Variants in ABCC4 observed in about 807,000 individuals in gnomAD.
ABCC4 encodes the protein ATP-binding cassette sub-family C member 4.
In ABCC4, 102 loss-of-function variants were observed where a neutral mutation model predicts 168.5. The ratio of observed to expected loss-of-function variants is 0.61; its 90% CI spans 0.52 to 0.71. The LOEUF is 0.71. ABCC4 is among the 30% of genes least tolerant of loss of function. The pLI, the probability that ABCC4 is intolerant of heterozygous loss-of-function variation, is 0.00. For synonymous variants in ABCC4, 617 were observed against 590.7 expected, an observed-to-expected ratio of 1.04 and a Z score of -0.65; for missense variants, 1,402 against 1,605.8, an observed-to-expected ratio of 0.87 and a Z score of 2.17.
At chr13:95,062,147 C>T (rs1009944952) in intron 26 of ABCC4, among the ~76,000 whole-genome samples, 3 of 152,032 alleles carry the variant, frequency 2.0e-5, no homozygotes, top group East Asian at 3.9e-4. Context: ...GATGGAATTC[C>T]GTCTCTCATG....
intron 19 of ABCC4, among the ~76,000 whole-genome samples, chr13:95,118,370 C>T (rs976253470): frequency 1.3e-5 from 2 of 151,864 alleles, no homozygotes; most frequent in Non-Finnish European, 1.5e-5. Flanking sequence ...CAGCCTCCCG[C>T]GTAGCTGAGA....
At chr13:95,213,369 C>G (rs1352371485) in intron 4 of ABCC4, among the ~76,000 whole-genome samples, 1 of 152,234 alleles carries the variant, frequency 6.6e-6, no homozygotes, top group Non-Finnish European at 1.5e-5. Context: ...CCAAGCAAAA[C>G]AGTTTCACTG....
chr13:95,205,044 T>C (rs773354211), intron 8 of ABCC4, among the ~76,000 whole-genome samples: 5 of 152,210 alleles, frequency 3.3e-5, no homozygotes, highest in South Asian at 4.1e-4. Context: ...AGTTCTTTCT[T>C]TCAAGATGCA....
intron 19 of ABCC4, among the ~76,000 whole-genome samples, chr13:95,142,847 T>A (rs1280891836): frequency 6.6e-6 from 1 of 152,136 alleles, no homozygotes; most frequent in Non-Finnish European, 1.5e-5. Context: ...ACTGTTTGAC[T>A]TCTACAGCAA....
intron 1 of ABCC4, among the ~76,000 whole-genome samples, chr13:95,261,602 G>A (rs1301667947): frequency 6.6e-6 from 1 of 151,962 alleles, no homozygotes; most frequent in Non-Finnish European, 1.5e-5. Flanking sequence ...AGTATTAATG[G>A]TGACATGGCT....
At chr13:95,223,221 G>A (rs2039353826) in intron 4 of ABCC4, among the ~76,000 whole-genome samples, 1 of 152,150 alleles carries the variant, frequency 6.6e-6, no homozygotes, top group Non-Finnish European at 1.5e-5. Context: ...ATTATCAGAA[G>A]TCAGACATAC....
At chr13:95,104,353 A>G (rs2034922458) in intron 20 of ABCC4, among the ~76,000 whole-genome samples, 1 of 152,182 alleles carries the variant, frequency 6.6e-6, no homozygotes. Flanking sequence ...ACCTCAAGTG[A>G]TCTGCCCTCC....
chr13:95,228,397 AGTCTGTGGTAGAGGAGGCT>A (rs2138737505), intron 4 of ABCC4, among the ~76,000 whole-genome samples: 1 of 152,252 alleles, frequency 6.6e-6, no homozygotes, highest in Non-Finnish European at 1.5e-5. Flanking sequence ...CTTCCTACTC[AGTCTGTGGTAGAGGAGGCT>A]GTCTGCTGCT....
chr13:95,253,869 T>G (rs938486562), intron 1 of ABCC4, among the ~76,000 whole-genome samples: 2 of 152,098 alleles, frequency 1.3e-5, no homozygotes, highest in African/African-American at 4.8e-5. Flanking sequence ...GGCAATACTC[T>G]CATGCAAATT....
chr13:95,186,686 A>G lies in ABCC4; in HGVS notation c.1545+15T>C. 1.2e-6 allele frequency: 2 copies of G among 1,607,988 alleles called. No homozygotes were observed. The highest frequency in any genetic ancestry group is 1.7e-6 in the Non-Finnish European group (2 of 1,176,302). ...TGGACATTCGAGTACATGAAATCCA[A>G]AAGTCATCACTCACCTTTTTCAGAG... On this transcript the variant is annotated intron_variant, in intron 11 of 30. Coordinates refer to ENST00000645237, the MANE Select transcript of ABCC4 (RefSeq NM_005845.5).
intron 3 of ABCC4, among the ~76,000 whole-genome samples, chr13:95,245,916 C>T (rs1360077573): frequency 8.0e-6 from 1 of 125,128 alleles, no homozygotes; most frequent in African/African-American, 2.9e-5. Context: ...TGCACCGTGA[C>T]AACTCCCCAT....
intron 25 of ABCC4, among the ~76,000 whole-genome samples, chr13:95,063,976 A>G (rs1426437945): frequency 1.3e-5 from 2 of 152,128 alleles, no homozygotes; most frequent in Non-Finnish European, 2.9e-5. Context: ...TAAATTTTAA[A>G]ACTCACTGCA....
At chr13:95,184,865 A>G (rs989773685) in intron 11 of ABCC4, among the ~76,000 whole-genome samples, 1 of 152,188 alleles carries the variant, frequency 6.6e-6, no homozygotes, top group Admixed American at 6.5e-5. Flanking sequence ...AGTGGGGGAA[A>G]ACTAGCAAAA....
intron 6 of ABCC4, among the ~76,000 whole-genome samples, chr13:95,208,335 C>CG (rs1566527865): frequency 7.9e-5 from 6 of 75,798 alleles, no homozygotes; most frequent in Non-Finnish European, 1.6e-4. Context: ...AAGAGGAGAG[C>CG]AAAAAAAAAA....
rs774421154 is a variant in ABCC4, at chr13:95,194,869, C to T, written c.1230G>A (p.Val410=). The T allele has an allele frequency of 7.4e-6, 12 of 1,614,130 alleles. No individual in the cohort carries two copies. Among genetic ancestry groups the T allele is most frequent in the Non-Finnish European group, 1.0e-5 (12 of 1,180,022 alleles). Reference sequence around the variant, plus strand: ...AAAAAGCAGTAAAATCCTGCACATGCACCATCTTTTTACCATCTGACGGCA... The same window carrying T: ...AAAAAGCAGTAAAATCCTGCACATGTACCATCTTTTTACCATCTGACGGCA... ...RQLPSDGKKM[V]HVQDFTAFWD... Residue 410 remains valine (V), a synonymous_variant, in exon 9 of 31, where the codon GTG becomes GTA. Transcript: ENST00000645237.
At chr13:95,295,475 T>A (rs1184810861) in intron 1 of ABCC4, among the ~76,000 whole-genome samples, 1 of 151,778 alleles carries the variant, frequency 6.6e-6, no homozygotes, top group African/African-American at 2.4e-5. Context: ...CTGGTCAACA[T>A]GATGAAATCC....
chr13:95,208,002 C>G (rs2038831499), intron 6 of ABCC4, 77 bp from the exon 7 acceptor site: 1 of 1,530,686 alleles, frequency 6.5e-7, no homozygotes. Flanking sequence ...CAGGCAGGGA[C>G]CTGCATCACA....
chr13:95,143,076 T>C (rs1277047676), intron 19 of ABCC4, among the ~76,000 whole-genome samples: 3 of 152,190 alleles, frequency 2.0e-5, no homozygotes, highest in Non-Finnish European at 4.4e-5. Flanking sequence ...GGGTCTCACC[T>C]GGATTGGTAC....
chr13:95,206,888 AC>A, intron 7 of ABCC4, 107 bp from the exon 8 acceptor site: 2 of 1,356,786 alleles, frequency 1.5e-6, no homozygotes, highest in Non-Finnish European at 2.0e-6. Flanking sequence ...AATTGTTTGA[AC>A]CCAGGAGTTT....
Sources: gnomAD v4.1 joint callset for allele counts (sites outside exome capture counted in the v4.1 genomes callset) on GRCh38, gnomAD v4.1.1 for gene constraint, MANE v1.5 for transcripts, NCBI Gene and HGNC (gene_info 2026-07-23, HGNC 2026-07-21) for gene names.